The following ATP2A2 variants were observed in gnomAD, a reference collection of about 807,000 sequenced individuals.
ATP2A2 encodes ATPase sarcoplasmic/endoplasmic reticulum Ca2+ transporting 2, also known as sarcoplasmic/endoplasmic reticulum calcium ATPase 2.
Under a neutral mutation model 109.3 loss-of-function variants are expected in ATP2A2, and 14 were observed. The ratio of observed to expected loss-of-function variants is 0.13; its 90% CI spans 0.08 to 0.20. ATP2A2 has a LOEUF of 0.20. Ranked by LOEUF, ATP2A2 falls within the 10% of genes least tolerant of loss-of-function variation. The probability of loss-of-function intolerance (pLI) is 1.00; values close to 1 mark genes in which losing one functional copy is unlikely to be tolerated. For synonymous variants in ATP2A2, 506 were observed against 490.9 expected, an observed-to-expected ratio of 1.03 and a Z score of -0.41; for missense variants, 657 against 1,321.6, an observed-to-expected ratio of 0.50 and a Z score of 7.80.
At chr12:110,300,643 CTTTTTT>C (rs537191134) in intron 5 of ATP2A2, among the ~76,000 whole-genome samples, 3,890 of 131,232 alleles carry the variant, frequency 0.03, 195 homozygotes, top group African/African-American at 0.1. Flanking sequence ...CATGCCCGGC[CTTTTTT>C]TTTTTTTTTT....
At position 110,331,658 on chromosome 12, in the gene ATP2A2, G is replaced by A. The variant is rs3026472; in HGVS notation, c.1096-939G>A. 1.8e-3 allele frequency: 280 copies of A among 152,244 alleles called. 1 individual carries two copies. The highest frequency in any genetic ancestry group is 6.5e-3 in the African/African-American group (269 of 41,544). The allele number at this position is 152,244 out of a possible 1,614,324, so 9.4% of individuals were successfully genotyped here. The stretch of plus-strand genomic sequence containing the variant: ...GCTCAACGTGGCCTGTTTAACTTGA[G>A]TTTTACATTTTTTAAATTCCCCTTA... On this transcript the variant is annotated intron_variant, in intron 8 of 19. Coordinates refer to ENST00000539276, the MANE Select transcript of ATP2A2 (RefSeq NM_170665.4).
chr12:110,303,576 A>G (rs1474386636), intron 5 of ATP2A2, among the ~76,000 whole-genome samples: 1 of 151,384 alleles, frequency 6.6e-6, no homozygotes, highest in Non-Finnish European at 1.5e-5. Flanking sequence ...ACGCCCAGCT[A>G]ATTTTTGTAT....
intron 14 of ATP2A2, 39 bp downstream of exon 14, chr12:110,341,033 A>G (rs1314306195): frequency 6.2e-7 from 1 of 1,601,400 alleles, no homozygotes; most frequent in South Asian, 1.1e-5. Context: ...CTCAGGCTAC[A>G]CAAGCACATA....
chr12:110,307,864 T>C (rs1875554123), intron 5 of ATP2A2, among the ~76,000 whole-genome samples: 1 of 152,238 alleles, frequency 6.6e-6, no homozygotes, highest in Non-Finnish European at 1.5e-5. Context: ...AGGTCCCAAT[T>C]GTCAAGTTAT....
At chr12:110,308,291 A>C (rs1178498021) in intron 5 of ATP2A2, among the ~76,000 whole-genome samples, 1 of 152,208 alleles carries the variant, frequency 6.6e-6, no homozygotes, top group Non-Finnish European at 1.5e-5. Flanking sequence ...TCCTTGTCTT[A>C]CTGATCGTAG....
At chr12:110,333,525 G>A (rs1178831343) in intron 10 of ATP2A2, among the ~76,000 whole-genome samples, 2 of 152,170 alleles carry the variant, frequency 1.3e-5, no homozygotes, top group Admixed American at 6.5e-5. Context: ...TAGTATATGT[G>A]ATGTTCTTTC....
intron 5 of ATP2A2, among the ~76,000 whole-genome samples, chr12:110,307,050 C>T (rs115693930): frequency 2.0e-3 from 298 of 151,942 alleles, no homozygotes; most frequent in African/African-American, 6.1e-3. Context: ...TGAGCCACCA[C>T]GCCCGGCCAC....
At chr12:110,313,914 A>G (rs991509748) in intron 5 of ATP2A2, among the ~76,000 whole-genome samples, 1 of 150,674 alleles carries the variant, frequency 6.6e-6, no homozygotes, top group Non-Finnish European at 1.5e-5. Context: ...GGGTTTCACC[A>G]TGTTGGCCAG....
chr12:110,347,327 C>T lies in ATP2A2; in HGVS notation c.*857C>T. On this transcript the variant is annotated 3_prime_UTR_variant, in exon 20 of 20. Coordinates refer to ENST00000539276, the MANE Select transcript of ATP2A2 (RefSeq NM_170665.4). ...ATTTTAAATGGACAGAGAAAAATAACTGTCTTGTCTTTAACTCGTAAGTGG... is the reference window on the plus strand; with the variant it reads ...ATTTTAAATGGACAGAGAAAAATAATTGTCTTGTCTTTAACTCGTAAGTGG... 7.8e-7 allele frequency: 1 copy of T among 1,275,680 alleles called. No homozygotes were observed. Among genetic ancestry groups the T allele is most frequent in the South Asian group, 1.3e-5 (1 of 79,298 alleles). 79.0% of individuals were successfully genotyped at this position (1,275,680 alleles called of 1,614,324 possible).
In ATP2A2 at chr12:110,282,671, TG is replaced by T. The variant is rs1267384522; in HGVS notation, c.137-40del. 1.9e-6 allele frequency: 3 copies of T among 1,613,656 alleles called. No homozygotes were observed. In the Admixed American group the frequency reaches 5.0e-5, roughly 27 times the overall value. On this transcript the variant is annotated intron_variant, in intron 2 of 19. Coordinates refer to ENST00000539276, the MANE Select transcript of ATP2A2 (RefSeq NM_170665.4). ...TTTTTTTCCTCTGTTGGTGTGCTGA[TG>T]GTAAGATGACAGTTAAAACACATGT...
chr12:110,308,953 A>G (rs940764884), intron 5 of ATP2A2, among the ~76,000 whole-genome samples: 1 of 152,038 alleles, frequency 6.6e-6, no homozygotes. Flanking sequence ...CGATTTTGAT[A>G]TTTGCAGAAA....
intron 5 of ATP2A2, among the ~76,000 whole-genome samples, chr12:110,307,512 G>GC (rs1875496269): frequency 1.3e-5 from 2 of 152,114 alleles, no homozygotes; most frequent in African/African-American, 2.4e-5. Context: ...GGGATTACAA[G>GC]CGTGAGCCAC....
intron 2 of ATP2A2, 29 bp from the exon 3 acceptor site, chr12:110,282,684 G>A: frequency 6.2e-7 from 1 of 1,613,640 alleles, no homozygotes; most frequent in Non-Finnish European, 8.5e-7. Flanking sequence ...TAAGATGACA[G>A]TTAAAACACA....
intron 5 of ATP2A2, among the ~76,000 whole-genome samples, chr12:110,317,260 G>A (rs941155427): frequency 6.6e-5 from 10 of 152,092 alleles, no homozygotes; most frequent in Non-Finnish European, 1.0e-4. Flanking sequence ...AACAACAGTG[G>A]CATTTAGAAG....
At chr12:110,282,081 C>A (rs1010940806) in intron 1 of ATP2A2, among the ~76,000 whole-genome samples, 174 bp downstream of exon 1, 2 of 152,092 alleles carry the variant, frequency 1.3e-5, no homozygotes, top group Non-Finnish European at 2.9e-5. Flanking sequence ...GTCCTCGCCT[C>A]GCCTTCCCTG....
Position 110,350,082 on chromosome 12 carries a change from G to C in ATP2A2, c.*3612G>C. On this transcript the variant is annotated 3_prime_UTR_variant, in exon 20 of 20. Coordinates refer to ENST00000539276, the MANE Select transcript of ATP2A2 (RefSeq NM_170665.4). ...TGTAGCCAGACGACACGAGGAGTCT[G>C]TGTCACTGAGCCAGTGCTTCTAGAT... is the stretch of plus-strand genomic sequence containing the variant. The C allele has an allele frequency of 5.5e-6, 8 of 1,449,538 alleles. No homozygotes were observed. The highest frequency in any genetic ancestry group is 7.2e-6 in the Non-Finnish European group (8 of 1,106,526). The allele number at this position is 1,449,538 out of a possible 1,614,324, so 89.8% of individuals were successfully genotyped here.
chr12:110,300,138 C>CCTCCCCTCCT (rs1874429008), intron 5 of ATP2A2, among the ~76,000 whole-genome samples: 1 of 143,986 alleles, frequency 6.9e-6, no homozygotes, highest in Non-Finnish European at 1.5e-5. Context: ...CCTCCCCTCC[C>CCTCCCCTCCT]CTCCCCTCCT....
chr12:110,338,857 G>C (rs1879092839), intron 11 of ATP2A2, among the ~76,000 whole-genome samples: 1 of 152,168 alleles, frequency 6.6e-6, no homozygotes, highest in Non-Finnish European at 1.5e-5. Flanking sequence ...TTTTGCTCAT[G>C]TAAACTCTAT....
chr12:110,325,463 GT>G (rs1877692352), intron 6 of ATP2A2, among the ~76,000 whole-genome samples: 1 of 151,536 alleles, frequency 6.6e-6, no homozygotes, highest in South Asian at 2.1e-4. Context: ...AGCAAAACCT[GT>G]CTCTACTAAA....
Sources: gnomAD v4.1 joint callset for allele counts (sites outside exome capture counted in the v4.1 genomes callset) on GRCh38, gnomAD v4.1.1 for gene constraint, MANE v1.5 for transcripts, NCBI Gene and HGNC (gene_info 2026-07-23, HGNC 2026-07-21) for gene names.